The following CCSER2 variants were observed in gnomAD, a reference collection of about 807,000 sequenced individuals.
The protein encoded by CCSER2 is coiled-coil serine rich protein 2.
A neutral mutation model predicts 92.3 loss-of-function variants in CCSER2; 46 were observed. The observed-to-expected ratio is 0.50, with a 90% CI of 0.39 to 0.64. The LOEUF (loss-of-function observed/expected upper bound fraction) is 0.64, where lower values mean the gene tolerates loss of function less well. Among genes scored for constraint, CCSER2 ranks in the 30% least tolerant of loss-of-function variants. CCSER2 has a pLI of 0.00. For missense variants in CCSER2, 1,244 were observed against 1,238.9 expected (o/e 1.00, Z -0.06); for synonymous variants, 433 against 431.4 (o/e 1.00, Z -0.04).
At position 84,371,762 on chromosome 10, in the gene CCSER2, C is replaced by T. The variant is rs759286087; in HGVS notation, c.710C>T (p.Ser237Phe). Reference sequence around the variant, plus strand: ...CAGAATTCATTCCTTCCACCTTCATCTATAACCAGATCACATTCCTTTAAT... The same window carrying T: ...CAGAATTCATTCCTTCCACCTTCATTTATAACCAGATCACATTCCTTTAAT... ...SIQNSFLPPSSITRSHSFNRA... is the reference protein window; with the variant it reads ...SIQNSFLPPSFITRSHSFNRA... The change falls in exon 2 of 10, where the codon TCT (serine) becomes TTT (phenylalanine). Residue 237 changes from serine to phenylalanine, a missense_variant. By Grantham distance (155) the Ser-to-Phe change is radical. Coordinates refer to ENST00000372088, the MANE Select transcript of CCSER2 (RefSeq NM_001284240.2). 1 of 1,613,558 alleles carries T rather than the reference C, an allele frequency of 6.2e-7. No individual in the cohort carries two copies. Among genetic ancestry groups the T allele is most frequent in the South Asian group, 1.1e-5 (1 of 91,058 alleles).
At chr10:84,350,817 T>G (rs1844821567) in intron 1 of CCSER2, among the ~76,000 whole-genome samples, 1 of 152,200 alleles carries the variant, frequency 6.6e-6, no homozygotes, top group African/African-American at 2.4e-5. Flanking sequence ...ACAGCAACCG[T>G]TATGTGTGCT....
chr10:84,417,899 C>A, intron 4 of CCSER2, 38 bp downstream of exon 4: 2 of 999,158 alleles, frequency 2.0e-6, no homozygotes, highest in Non-Finnish European at 3.2e-6. Context: ...GAGGTATATA[C>A]TTGAGCTACT....
intron 3 of CCSER2, among the ~76,000 whole-genome samples, chr10:84,405,753 C>A (rs1842344971): frequency 6.6e-6 from 1 of 152,174 alleles, no homozygotes; most frequent in Non-Finnish European, 1.5e-5. Flanking sequence ...GACACCACTG[C>A]ACACCTATTA....
chr10:84,341,436 C>T (rs1844181220), intron 1 of CCSER2, among the ~76,000 whole-genome samples: 1 of 146,200 alleles, frequency 6.8e-6, no homozygotes, highest in South Asian at 2.1e-4. Context: ...CCTTCTGCTT[C>T]GACCTCTCAA....
intron 7 of CCSER2, among the ~76,000 whole-genome samples, chr10:84,468,673 C>T (rs1436181289): frequency 6.6e-6 from 1 of 152,162 alleles, no homozygotes; most frequent in African/African-American, 2.4e-5. Flanking sequence ...TATAGTGTTC[C>T]ATGAAGTTGC....
intron 6 of CCSER2, among the ~76,000 whole-genome samples, chr10:84,460,242 A>T: frequency 7.0e-6 from 1 of 142,924 alleles, no homozygotes. Context: ...GGCATGCGCC[A>T]CCATGCCCGG....
intron 9 of CCSER2, 49 bp from the exon 10 acceptor site, chr10:84,513,400 G>A (rs765788855): frequency 2.9e-6 from 4 of 1,358,514 alleles, no homozygotes; most frequent in African/African-American, 1.5e-5. Flanking sequence ...ATTAAATCTG[G>A]GTGGAATTTC....
intron 3 of CCSER2, among the ~76,000 whole-genome samples, chr10:84,399,068 A>T (rs1335069404): frequency 6.6e-6 from 1 of 152,210 alleles, no homozygotes; most frequent in Non-Finnish European, 1.5e-5. Context: ...GGGAATACAG[A>T]TGCAGATTTT....
At position 84,378,705 on chromosome 10, in the gene CCSER2, G is replaced by T. The variant is rs1249842134; in HGVS notation, c.1614+4890G>T. ...CCGCCTTGGCCTCCCAAAATAGTGGGATTACAGGCATGTGCCACCGCGCCC... is the reference window on the plus strand; with the variant it reads ...CCGCCTTGGCCTCCCAAAATAGTGGTATTACAGGCATGTGCCACCGCGCCC... On this transcript the variant is annotated intron_variant, in intron 3 of 9. Transcript: ENST00000372088. Among the ~76,000 whole-genome samples, 4 of 152,116 alleles carry T rather than the reference G, an allele frequency of 2.6e-5. No individual in the cohort carries two copies. In the East Asian group the frequency reaches 7.7e-4, roughly 29 times the overall value.
At chr10:84,463,847 G>A (rs1174152996) in intron 6 of CCSER2, 86 bp from the exon 7 acceptor site, 16 of 855,746 alleles carry the variant, frequency 1.9e-5, no homozygotes, top group African/African-American at 3.4e-5. Context: ...CACCATGCTA[G>A]CATTTGGTCT....
chr10:84,481,784 GT>G (rs1253353090), intron 9 of CCSER2, among the ~76,000 whole-genome samples: 1 of 151,936 alleles, frequency 6.6e-6, no homozygotes, highest in East Asian at 1.9e-4. Flanking sequence ...ATAATGTAGT[GT>G]TATAAACTCC....
intron 1 of CCSER2, among the ~76,000 whole-genome samples, chr10:84,343,551 A>G (rs1428811978): frequency 6.6e-6 from 1 of 152,206 alleles, no homozygotes; most frequent in East Asian, 1.9e-4. Context: ...TGACCACCCT[A>G]GAATAGTGCT....
rs1056277264 is a variant in CCSER2 at position 84,496,442 on chromosome 10, C to T, written c.2326-17007C>T. Among the ~76,000 whole-genome samples the T allele has an allele frequency of 5.3e-5, 8 of 152,148 alleles. No homozygotes were observed. In the East Asian group the frequency reaches 7.7e-4, roughly 15 times the overall value. On this transcript the variant is annotated intron_variant, in intron 9 of 9. Transcript: ENST00000372088. The stretch of plus-strand genomic sequence containing the variant: ...CTGGGACTACAGGCGCCCGCCACCA[C>T]GCCCGGCTAATTTTTTGTATTTTTA...
chr10:84,434,685 T>A (rs1589653938), intron 5 of CCSER2, among the ~76,000 whole-genome samples: 1 of 152,188 alleles, frequency 6.6e-6, no homozygotes, highest in East Asian at 1.9e-4. Flanking sequence ...AAGTCATTTT[T>A]ATTTAATATT....
chr10:84,423,371 C>A (rs892484747), intron 4 of CCSER2, among the ~76,000 whole-genome samples: 6 of 152,284 alleles, frequency 3.9e-5, no homozygotes, highest in African/African-American at 1.4e-4. Flanking sequence ...CAAATGTTTG[C>A]TTCTAATGCT....
At chr10:84,422,183 A>G (rs1843184648) in intron 4 of CCSER2, among the ~76,000 whole-genome samples, 1 of 152,206 alleles carries the variant, frequency 6.6e-6, no homozygotes, top group Non-Finnish European at 1.5e-5. Context: ...GGTAGATCTG[A>G]AAGACCTTGC....
At chr10:84,335,961 A>G (rs1843814094) in intron 1 of CCSER2, among the ~76,000 whole-genome samples, 1 of 151,936 alleles carries the variant, frequency 6.6e-6, no homozygotes, top group African/African-American at 2.4e-5. Context: ...TCCAGGTGAT[A>G]TTTCTTTTCG....
At chr10:84,376,442 C>CT (rs2133193104) in intron 3 of CCSER2, among the ~76,000 whole-genome samples, 1 of 152,244 alleles carries the variant, frequency 6.6e-6, no homozygotes, top group South Asian at 2.1e-4. Flanking sequence ...TATAAATTAG[C>CT]TTTGACTGTT....
In CCSER2 at chr10:84,392,125, A is replaced by G. The variant is rs1841553762; in HGVS notation, c.1614+18310A>G. On this transcript the variant is annotated intron_variant, in intron 3 of 9. Transcript: ENST00000372088. ...ATGAGGGAGCCTCTGCACCCAGGGAAAATACTACCCTTTACGGGGGGAAGG... is the reference window on the plus strand; with the variant it reads ...ATGAGGGAGCCTCTGCACCCAGGGAGAATACTACCCTTTACGGGGGGAAGG... 3.7e-5 allele frequency: 25 copies of G among 668,322 alleles called. No homozygotes were observed. In the South Asian group the frequency reaches 4.0e-4, roughly 11 times the overall value. 41.4% of individuals were successfully genotyped at this position (668,322 alleles called of 1,614,324 possible). A position where few individuals can be genotyped will look rare whatever the true frequency, so the allele number is the denominator to read the frequency against.
Sources: gnomAD v4.1 joint callset for allele counts (sites outside exome capture counted in the v4.1 genomes callset) on GRCh38, gnomAD v4.1.1 for gene constraint, MANE v1.5 for transcripts, NCBI Gene and HGNC (gene_info 2026-07-23, HGNC 2026-07-21) for gene names.